Variants in FAM200B observed in about 807,000 individuals in gnomAD.
FAM200B encodes the protein zinc finger BED-type containing 11, also known as protein FAM200B.
In FAM200B, 32 loss-of-function variants were observed where a neutral mutation model predicts 33.1. That is an observed-to-expected ratio of 0.97 (90% CI 0.73 to 1.30). FAM200B has a LOEUF of 1.30. FAM200B is among the 50% of genes most tolerant of loss of function. The pLI is 0.00. For missense variants in FAM200B, 741 were observed against 754.0 expected (o/e 0.98, Z 0.20); for synonymous variants, 240 against 264.8 (o/e 0.91, Z 0.91).
chr4:15,683,707 T>C (rs1464270801), intron 1 of FAM200B, among the ~76,000 whole-genome samples: 1 of 152,230 alleles, frequency 6.6e-6, no homozygotes, highest in Non-Finnish European at 1.5e-5. Context: ...AGCAGTTTAT[T>C]ATGAAGTAGA....
the FAM200B span, among the ~76,000 whole-genome samples, chr4:15,654,855 G>C: frequency 6.6e-6 from 1 of 152,184 alleles, no homozygotes; most frequent in Non-Finnish European, 1.5e-5. Context: ...CGAGGAGGTA[G>C]GGCCGCTCTC....
chr4:15,643,297 C>G, the FAM200B span, among the ~76,000 whole-genome samples: 1 of 152,172 alleles, frequency 6.6e-6, no homozygotes, highest in Non-Finnish European at 1.5e-5. Context: ...GTAGAACAGC[C>G]TTTCCAGAAC....
At chr4:15,668,097 A>G in the FAM200B span, among the ~76,000 whole-genome samples, 1 of 151,992 alleles carries the variant, frequency 6.6e-6, no homozygotes, top group Admixed American at 6.6e-5. Context: ...CGAAAAGCCA[A>G]TGATTGTAAC....
At chr4:15,666,910 T>TA in the FAM200B span, among the ~76,000 whole-genome samples, 1 of 152,176 alleles carries the variant, frequency 6.6e-6, no homozygotes, top group African/African-American at 2.4e-5. Context: ...CTAAATGTGT[T>TA]AATTAGCTTG....
At chr4:15,676,284 C>T in the FAM200B span, among the ~76,000 whole-genome samples, 1 of 152,198 alleles carries the variant, frequency 6.6e-6, no homozygotes, top group East Asian at 1.9e-4. Flanking sequence ...GTAGTCAAAC[C>T]TGAACCTAAT....
the FAM200B span, chr4:15,660,004 T>C: frequency 2.0e-5 from 3 of 152,152 alleles, no homozygotes; most frequent in African/African-American, 7.2e-5. Context: ...AGGCAGTTGC[T>C]TAATCCCTGC....
the FAM200B span, among the ~76,000 whole-genome samples, chr4:15,665,446 G>A: frequency 6.6e-6 from 1 of 152,040 alleles, no homozygotes; most frequent in East Asian, 1.9e-4. Flanking sequence ...GGTCTACCTT[G>A]CAGGAATTAC....
At chr4:15,680,871 CAT>C (rs1454721102), upstream of FAM200B, among the ~76,000 whole-genome samples, 1 of 149,756 alleles carries the variant, frequency 6.7e-6, no homozygotes, top group Non-Finnish European at 1.5e-5. Context: ...CTATATATGA[CAT>C]ATATATGTCA....
the FAM200B span, chr4:15,638,762 A>T: frequency 1.0e-6 from 1 of 993,272 alleles, no homozygotes; most frequent in South Asian, 1.7e-5. Context: ...AACCCTTTTA[A>T]ATTATTAATG....
chr4:15,655,430 A>ACGCGGGGG, the FAM200B span: 2 of 980,036 alleles, frequency 2.0e-6, no homozygotes, highest in Admixed American at 6.2e-5. Context: ...GCCGGCGGGG[A>ACGCGGGGG]CGCGGGGGCG....
the FAM200B span, chr4:15,640,804 A>G: frequency 6.5e-7 from 1 of 1,549,134 alleles, no homozygotes; most frequent in Non-Finnish European, 8.7e-7. Flanking sequence ...TTCCTCTTTC[A>G]TGTGAGGAAG....
the FAM200B span, chr4:15,644,626 A>AT: frequency 6.2e-7 from 1 of 1,614,160 alleles, no homozygotes; most frequent in Non-Finnish European, 8.5e-7. Context: ...CTGCTCATGC[A>AT]TTTTGAACTC....
chr4:15,654,967 G>A, the FAM200B span, among the ~76,000 whole-genome samples: 2 of 151,822 alleles, frequency 1.3e-5, no homozygotes, highest in African/African-American at 4.8e-5. Context: ...CCCTCGGCAG[G>A]GGACGCCGCC....
the FAM200B span, among the ~76,000 whole-genome samples, chr4:15,670,238 T>C: frequency 6.6e-6 from 1 of 152,222 alleles, no homozygotes; most frequent in Non-Finnish European, 1.5e-5. Context: ...ACATTTGTCT[T>C]TGCATGAACA....
intron 1 of FAM200B, among the ~76,000 whole-genome samples, chr4:15,683,500 A>C (rs1298103633): frequency 2.6e-5 from 4 of 152,222 alleles, no homozygotes; most frequent in African/African-American, 9.6e-5. Context: ...AATAGTAAGA[A>C]TATGAAAGAA....
At chr4:15,667,453 A>G in the FAM200B span, among the ~76,000 whole-genome samples, 3 of 152,168 alleles carry the variant, frequency 2.0e-5, no homozygotes, top group Admixed American at 2.0e-4. Flanking sequence ...GCAAAATCAT[A>G]TATTATCTCA....
At chr4:15,646,360 T>C in the FAM200B span, among the ~76,000 whole-genome samples, 1 of 109,366 alleles carries the variant, frequency 9.1e-6, no homozygotes, top group Non-Finnish European at 2.0e-5. Flanking sequence ...GTTAAATACA[T>C]ATTATAGATT....
At chr4:15,662,206 A>G in the FAM200B span, among the ~76,000 whole-genome samples, 21 of 152,190 alleles carry the variant, frequency 1.4e-4, no homozygotes, top group Non-Finnish European at 2.8e-4. Flanking sequence ...CCATCTTTGA[A>G]GCTGGCTAAA....
At chr4:15,655,413 C>T in the FAM200B span, 161,123 of 1,004,842 alleles carry the variant, frequency 0.16, 13,668 homozygotes, top group East Asian at 0.25. Context: ...CGCGCCCGGT[C>T]GGCTTGGCCG....
Sources: gnomAD v4.1 joint callset for allele counts (sites outside exome capture counted in the v4.1 genomes callset) on GRCh38, gnomAD v4.1.1 for gene constraint, MANE v1.5 for transcripts, NCBI Gene and HGNC (gene_info 2026-07-23, HGNC 2026-07-21) for gene names.